The following PLPP1 variants were observed in gnomAD, a reference collection of about 807,000 sequenced individuals.
PLPP1 encodes lipid phosphate phosphohydrolase 1a.
In PLPP1, 24 loss-of-function variants were observed where a neutral mutation model predicts 31.2. The ratio of observed to expected loss-of-function variants is 0.77; its 90% CI spans 0.56 to 1.08. PLPP1 has a LOEUF of 1.08. PLPP1 is among the 50% of genes least tolerant of loss of function. The pLI, the probability that PLPP1 is intolerant of heterozygous loss-of-function variation, is 0.00. For synonymous variants in PLPP1, 146 were observed against 126.3 expected (o/e 1.16, Z -1.05); for missense variants, 319 against 342.7 (o/e 0.93, Z 0.55).
chr5:55,484,643 C>T (rs1309652256), intron 1 of PLPP1: 1 of 152,114 alleles, frequency 6.6e-6, no homozygotes, highest in Non-Finnish European at 1.5e-5. Flanking sequence ...GGGAGAGAGA[C>T]TCGAAAACCT....
At chr5:55,501,757 G>A (rs998947690) in intron 1 of PLPP1, among the ~76,000 whole-genome samples, 3 of 152,144 alleles carry the variant, frequency 2.0e-5, no homozygotes, top group Non-Finnish European at 4.4e-5. Flanking sequence ...ACCCCCCTCA[G>A]CCTCCCAAAG....
chr5:55,521,180 C>T (rs908133795), intron 1 of PLPP1, among the ~76,000 whole-genome samples: 5 of 151,956 alleles, frequency 3.3e-5, no homozygotes, highest in African/African-American at 1.2e-4. Context: ...TGGTGAAACT[C>T]TGTCTCTACT....
At chr5:55,521,921 C>A (rs1349965277) in intron 1 of PLPP1, among the ~76,000 whole-genome samples, 1 of 152,172 alleles carries the variant, frequency 6.6e-6, no homozygotes, top group East Asian at 1.9e-4. Flanking sequence ...TACTCATTTA[C>A]CTCTCCAGCA....
chr5:55,443,192 A>AAAATATATATATATATAT, intron 3 of PLPP1, among the ~76,000 whole-genome samples: 5 of 25,438 alleles, frequency 2.0e-4, no homozygotes, highest in Admixed American at 7.8e-4. Context: ...AAAAAAAAAA[A>AAAATATATATATATATAT]ATATATATAT....
intron 1 of PLPP1, among the ~76,000 whole-genome samples, chr5:55,512,380 G>C (rs1001978197): frequency 6.6e-6 from 1 of 150,950 alleles, no homozygotes; most frequent in African/African-American, 2.4e-5. Context: ...CTGAGGCAGG[G>C]AAATCACTTG....
At chr5:55,529,687 A>G (rs1740588317) in intron 1 of PLPP1, among the ~76,000 whole-genome samples, 2 of 152,168 alleles carry the variant, frequency 1.3e-5, no homozygotes, top group Admixed American at 1.3e-4. Flanking sequence ...CATTTAAAAA[A>G]TTTCCTTTGG....
chr5:55,440,193 A>G (rs1751590691), intron 4 of PLPP1, among the ~76,000 whole-genome samples: 1 of 152,236 alleles, frequency 6.6e-6, no homozygotes, highest in African/African-American at 2.4e-5. Flanking sequence ...ACTAACACAG[A>G]CAGGTGAGCG....
At chr5:55,506,801 T>C (rs1296364924) in intron 1 of PLPP1, among the ~76,000 whole-genome samples, 3 of 152,216 alleles carry the variant, frequency 2.0e-5, no homozygotes, top group Admixed American at 6.5e-5. Context: ...TTTGCTTCCA[T>C]GAACCCTTTC....
chr5:55,523,345 T>C (rs1753714257), intron 1 of PLPP1, among the ~76,000 whole-genome samples: 1 of 152,098 alleles, frequency 6.6e-6, no homozygotes, highest in Non-Finnish European at 1.5e-5. Context: ...CTATTTTTTG[T>C]ACTCATCAAC....
At chr5:55,456,628 T>G (rs928238703) in intron 3 of PLPP1, among the ~76,000 whole-genome samples, 2 of 152,004 alleles carry the variant, frequency 1.3e-5, no homozygotes, top group African/African-American at 4.8e-5. Context: ...AAGAGAAAAA[T>G]AATAGGAAAG....
chr5:55,494,087 G>A (rs1752954687), intron 1 of PLPP1, among the ~76,000 whole-genome samples: 1 of 151,792 alleles, frequency 6.6e-6, no homozygotes, highest in African/African-American at 2.4e-5. Flanking sequence ...ACTTGGAAAG[G>A]ATGTAAGTTT....
At chr5:55,460,160 TC>T (rs1411982370) in intron 3 of PLPP1, among the ~76,000 whole-genome samples, 6 of 152,158 alleles carry the variant, frequency 3.9e-5, no homozygotes, top group Non-Finnish European at 8.8e-5. Flanking sequence ...AGCGCCCCAG[TC>T]CCTGCATTGT....
At chr5:55,462,151 A>C (rs1044224823) in intron 3 of PLPP1, among the ~76,000 whole-genome samples, 10 of 152,236 alleles carry the variant, frequency 6.6e-5, no homozygotes, top group Non-Finnish European at 1.3e-4. Flanking sequence ...ATCTCAATAA[A>C]ATTTCTGCCC....
At position 55,453,063 on chromosome 5, in the gene PLPP1, A is replaced by G. The variant is rs1335567985; in HGVS notation, c.492-11155T>C. On this transcript the variant is annotated intron_variant, in intron 3 of 5. Coordinates refer to ENST00000307259, the MANE Select transcript of PLPP1 (RefSeq NM_003711.4). ...TTTTTGCTAAAGTAGAATCTAAACT[A>G]TTGAGTAATAAAGTTTTATTTAATT... Among the ~76,000 whole-genome samples the G allele has an allele frequency of 5.3e-5, 8 of 152,294 alleles. No individual in the cohort carries two copies. The South Asian group carries it at 1.7e-3, about 32-fold the overall frequency.
At chr5:55,492,208 A>G (rs1347976437) in intron 1 of PLPP1, among the ~76,000 whole-genome samples, 1 of 152,194 alleles carries the variant, frequency 6.6e-6, no homozygotes, top group African/African-American at 2.4e-5. Context: ...ATACTTAGGG[A>G]AGACAAATTT....
intron 4 of PLPP1, among the ~76,000 whole-genome samples, chr5:55,439,544 A>G (rs765182729): frequency 7.2e-5 from 11 of 152,178 alleles, no homozygotes; most frequent in Non-Finnish European, 1.5e-4. Flanking sequence ...TGTTCTTTTA[A>G]CACAGTTGGT....
chr5:55,485,520 A>G (rs148073464), intron 1 of PLPP1, among the ~76,000 whole-genome samples: 10 of 152,246 alleles, frequency 6.6e-5, no homozygotes, highest in Non-Finnish European at 1.2e-4. Context: ...ATCCACACAC[A>G]TAACAGTTAA....
intron 1 of PLPP1, among the ~76,000 whole-genome samples, chr5:55,525,477 A>C (rs1740395094): frequency 6.6e-5 from 10 of 152,208 alleles, no homozygotes; most frequent in Admixed American, 6.5e-4. Flanking sequence ...TATAAGGAAC[A>C]AGTCATTCCC....
Position 55,425,003 on chromosome 5 carries a change from G to T in PLPP1, c.*203C>A. 1.3e-6 allele frequency: 1 copy of T among 751,184 alleles called. No homozygotes were observed. Among genetic ancestry groups the T allele is most frequent in the Non-Finnish European group, 2.1e-6 (1 of 476,782 alleles). The allele number at this position is 751,184 out of a possible 1,614,324, so 46.5% of individuals were successfully genotyped here. ...GCACTGTTTTGGTGGAAGGCTTGGA[G>T]TTTTTTTAATGAGTTTAGAGCTATT... On this transcript the variant is annotated 3_prime_UTR_variant, in exon 6 of 6. Transcript: ENST00000307259.
Sources: gnomAD v4.1 joint callset for allele counts (sites outside exome capture counted in the v4.1 genomes callset) on GRCh38, gnomAD v4.1.1 for gene constraint, MANE v1.5 for transcripts, NCBI Gene and HGNC (gene_info 2026-07-23, HGNC 2026-07-21) for gene names.